EGFLAM: variants seen among roughly 807,000 people sequenced by gnomAD.
EGFLAM encodes the protein EGF like, fibronectin type III and laminin G domains.
In EGFLAM, 79 loss-of-function variants were observed where a neutral mutation model predicts 113.1. The ratio of observed to expected loss-of-function variants is 0.70; its 90% CI spans 0.58 to 0.84. The LOEUF (loss-of-function observed/expected upper bound fraction) is 0.84. EGFLAM is among the 40% of genes least tolerant of loss of function. The probability of loss-of-function intolerance (pLI) is 0.00; values close to 1 mark genes in which losing one functional copy is unlikely to be tolerated. For synonymous variants in EGFLAM, 504 were observed against 487.6 expected (o/e 1.03, Z -0.44); for missense variants, 1,265 against 1,291.6 (o/e 0.98, Z 0.32).
intron 17 of EGFLAM, among the ~76,000 whole-genome samples, chr5:38,443,985 G>GGTCT (rs1208838120): frequency 6.6e-6 from 1 of 151,990 alleles, no homozygotes; most frequent in Non-Finnish European, 1.5e-5. Context: ...TGGCCAGGCT[G>GGTCT]GTCTTGAACT....
chr5:38,359,823 G>A (rs1421351977), intron 5 of EGFLAM, among the ~76,000 whole-genome samples: 1 of 152,188 alleles, frequency 6.6e-6, no homozygotes, highest in African/African-American at 2.4e-5. Flanking sequence ...AAGGAGCAAA[G>A]CTTCCCATCT....
rs752179810 is a variant in EGFLAM, at chr5:38,350,626, A to G, written c.409+8A>G. 19 of 1,612,132 alleles carry G rather than the reference A, an allele frequency of 1.2e-5. No homozygotes were observed. The Admixed American group carries it at 3.2e-4, about 27-fold the overall frequency. ...TCACCACTTTGTCCCAAGGTAAAGTAGGTTCAAATTCATTAATAGGTGGCA... is the reference window on the plus strand; with the variant it reads ...TCACCACTTTGTCCCAAGGTAAAGTGGGTTCAAATTCATTAATAGGTGGCA... On this transcript the variant is annotated splice_region_variant and intron_variant, in intron 4 of 21. Transcript: ENST00000322350.
chr5:38,423,210 C>G (rs1741891107), intron 12 of EGFLAM, among the ~76,000 whole-genome samples: 1 of 152,162 alleles, frequency 6.6e-6, no homozygotes, highest in Non-Finnish European at 1.5e-5. Context: ...TCTTGCCTTT[C>G]AGCCTCTAGA....
At chr5:38,385,817 A>G (rs1738050197) in intron 6 of EGFLAM, among the ~76,000 whole-genome samples, 1 of 152,234 alleles carries the variant, frequency 6.6e-6, no homozygotes. Context: ...GCGTTGCTTA[A>G]CAACAGGGAT....
chr5:38,428,267 T>C (rs1742080612), intron 14 of EGFLAM, among the ~76,000 whole-genome samples: 1 of 152,226 alleles, frequency 6.6e-6, no homozygotes, highest in African/African-American at 2.4e-5. Flanking sequence ...GCTACAACCA[T>C]GCATTGCCCT....
At chr5:38,457,104 C>T (rs1340355812) in intron 19 of EGFLAM, among the ~76,000 whole-genome samples, 1 of 152,128 alleles carries the variant, frequency 6.6e-6, no homozygotes, top group Non-Finnish European at 1.5e-5. Context: ...ACTAGAGAAA[C>T]CTGATAGCAG....
Position 38,350,535 on chromosome 5 carries a change from A to T in EGFLAM, c.326A>T (p.Glu109Val). Residue 109 changes from glutamate (E) to valine (V), a missense_variant, in exon 4 of 22, where the codon GAA becomes GTA. By Grantham distance (121) the Glu-to-Val change is moderately radical. Coordinates refer to ENST00000322350, the MANE Select transcript of EGFLAM (RefSeq NM_152403.4). ...EVIGDLKPGT[E>V]YRVSIAAYSQ... The stretch of plus-strand genomic sequence containing the variant: ...ATTGGAGATTTGAAACCAGGCACTG[A>T]ATATCGTGTGAGCATAGCAGCTTAC... 6.2e-7 allele frequency: 1 copy of T among 1,613,992 alleles called. No homozygotes were observed. The highest frequency in any genetic ancestry group is 1.7e-5 in the Admixed American group (1 of 59,994).
In EGFLAM at chr5:38,464,283, G is replaced by A. The variant is rs1242075083; in HGVS notation, c.*297G>A. On this transcript the variant is annotated 3_prime_UTR_variant, in exon 22 of 22. Coordinates refer to ENST00000322350, the MANE Select transcript of EGFLAM (RefSeq NM_152403.4). ...CACATCAATGCAAATTCCAGAGCCT[G>A]TCTGCTATAGCTCAGTGACTGTGTT... is the stretch of plus-strand genomic sequence containing the variant. The A allele has an allele frequency of 2.7e-6, 1 of 372,476 alleles. No homozygotes were observed. The highest frequency in any genetic ancestry group is 4.6e-5 in the East Asian group (1 of 21,528). The allele number at this position is 372,476 out of a possible 1,614,324, so 23.1% of individuals were successfully genotyped here. A position where few individuals can be genotyped will look rare whatever the true frequency, so the allele number is the denominator to read the frequency against.
intron 18 of EGFLAM, 81 bp downstream of exon 18, chr5:38,448,460 T>C: frequency 7.1e-7 from 1 of 1,405,742 alleles, no homozygotes; most frequent in Non-Finnish European, 1.0e-6. Flanking sequence ...TTTCTTATAT[T>C]TCATGCCAGA....
At chr5:38,454,420 C>T (rs923641316) in intron 19 of EGFLAM, among the ~76,000 whole-genome samples, 2 of 151,994 alleles carry the variant, frequency 1.3e-5, no homozygotes, top group Non-Finnish European at 2.9e-5. Flanking sequence ...CGACAGGGTT[C>T]GCTGTAAAGA....
intron 12 of EGFLAM, among the ~76,000 whole-genome samples, chr5:38,422,322 A>G (rs1214893255): frequency 6.6e-6 from 1 of 151,606 alleles, no homozygotes; most frequent in Non-Finnish European, 1.5e-5. Context: ...CCTCCCCATC[A>G]CTCTTGAGTT....
rs1008364268 is a variant in EGFLAM at position 38,437,495 on chromosome 5, A to G, written c.2284-780A>G. Among the ~76,000 whole-genome samples the G allele has an allele frequency of 1.8e-4, 28 of 151,786 alleles. 1 individual carries two copies. Among genetic ancestry groups the G allele is most frequent in the African/African-American group, 6.8e-4 (28 of 41,314 alleles). ...TAACACTGTGTTTTGCACTCTCCCC[A>G]CTCTGCTTTATATACCAGTGTCTCC... On this transcript the variant is annotated intron_variant, in intron 16 of 21. Coordinates refer to ENST00000322350, the MANE Select transcript of EGFLAM (RefSeq NM_152403.4).
intron 1 of EGFLAM, among the ~76,000 whole-genome samples, chr5:38,302,685 T>G (rs1383556905): frequency 6.7e-6 from 1 of 148,894 alleles, no homozygotes; most frequent in East Asian, 1.9e-4. Flanking sequence ...CTTTAAGAGA[T>G]TTATTTATAA....
intron 1 of EGFLAM, among the ~76,000 whole-genome samples, chr5:38,282,870 G>A (rs968894355): frequency 3.9e-5 from 6 of 152,056 alleles, no homozygotes; most frequent in Non-Finnish European, 7.4e-5. Flanking sequence ...TCTGAGACAA[G>A]GTCTTCTTCT....
chr5:38,395,845 C>T (rs1403853867), intron 6 of EGFLAM, among the ~76,000 whole-genome samples: 2 of 152,144 alleles, frequency 1.3e-5, no homozygotes, highest in African/African-American at 2.4e-5. Context: ...GGAGACCATA[C>T]TATGTATGTC....
At chr5:38,367,439 C>T (rs1397095130) in intron 5 of EGFLAM, among the ~76,000 whole-genome samples, 5 of 151,170 alleles carry the variant, frequency 3.3e-5, no homozygotes, top group East Asian at 3.9e-4. Context: ...CATAGTGAGA[C>T]GAGGTCTCAC....
At chr5:38,348,978 G>T (rs965717530) in intron 3 of EGFLAM, among the ~76,000 whole-genome samples, 3 of 152,186 alleles carry the variant, frequency 2.0e-5, no homozygotes, top group African/African-American at 4.8e-5. Flanking sequence ...CTGGAGTGGA[G>T]TTCGGGCCTC....
intron 17 of EGFLAM, among the ~76,000 whole-genome samples, chr5:38,441,230 G>A (rs1190056766): frequency 6.6e-6 from 1 of 152,142 alleles, no homozygotes; most frequent in African/African-American, 2.4e-5. Flanking sequence ...ACCAGGACAG[G>A]AGAAGCCAGA....
At chr5:38,336,922 G>C (rs764799967) in intron 1 of EGFLAM, among the ~76,000 whole-genome samples, 8 of 152,092 alleles carry the variant, frequency 5.3e-5, no homozygotes, top group Non-Finnish European at 8.8e-5. Context: ...GTTAGAATTA[G>C]AGATAATTTT....
Sources: gnomAD v4.1 joint callset for allele counts (sites outside exome capture counted in the v4.1 genomes callset) on GRCh38, gnomAD v4.1.1 for gene constraint, MANE v1.5 for transcripts, NCBI Gene and HGNC (gene_info 2026-07-23, HGNC 2026-07-21) for gene names.